The following SYNE2 variants were observed in gnomAD, a reference collection of about 807,000 sequenced individuals.
The protein encoded by SYNE2 is nesprin-2.
In SYNE2, 431 loss-of-function variants were observed where a neutral mutation model predicts 856.3. That is an observed-to-expected ratio of 0.50 (90% CI 0.47 to 0.55). SYNE2 has a LOEUF of 0.55. Ranked by LOEUF, SYNE2 falls within the 20% of genes least tolerant of loss-of-function variation. The probability of loss-of-function intolerance (pLI) is 0.00; values close to 1 mark genes in which losing one functional copy is unlikely to be tolerated. For synonymous variants in SYNE2, 2,923 were observed against 2,872.3 expected (o/e 1.02, Z -0.56); for missense variants, 8,129 against 8,023.2 (o/e 1.01, Z -0.50).
chr14:63,959,540 C>T (rs912695696), intron 8 of SYNE2, among the ~76,000 whole-genome samples: 4 of 151,962 alleles, frequency 2.6e-5, no homozygotes, highest in South Asian at 4.2e-4. Context: ...TCAGGTGATT[C>T]GCCGCCTTGA....
chr14:64,089,254 T>C (rs141487133), intron 58 of SYNE2, among the ~76,000 whole-genome samples: 1,864 of 150,766 alleles, frequency 0.012, 44 homozygotes, highest in African/African-American at 0.043. Context: ...TAATCCCAGC[T>C]ATTCAGGAGG....
chr14:64,152,765 A>G (rs760566173), intron 85 of SYNE2, 49 bp downstream of exon 85: 20 of 1,610,490 alleles, frequency 1.2e-5, no homozygotes, highest in Non-Finnish European at 1.6e-5. Flanking sequence ...ATATTCTTTT[A>G]CCTTATTTGT....
intron 2 of SYNE2, among the ~76,000 whole-genome samples, chr14:63,927,048 G>A (rs993839722): frequency 3.3e-5 from 5 of 152,210 alleles, no homozygotes; most frequent in South Asian, 2.1e-4. Flanking sequence ...AGGGGTGTAG[G>A]AGAGAGTAAG....
At chr14:64,013,114 G>T (rs1233303934) in intron 32 of SYNE2, among the ~76,000 whole-genome samples, 2 of 152,114 alleles carry the variant, frequency 1.3e-5, no homozygotes, top group African/African-American at 4.8e-5. Flanking sequence ...CCTTCCATTC[G>T]CTGTAAAACA....
chr14:63,937,594 G>A (rs1029637565), intron 2 of SYNE2, among the ~76,000 whole-genome samples: 1 of 152,118 alleles, frequency 6.6e-6, no homozygotes, highest in African/African-American at 2.4e-5. Context: ...GGTATTGGAT[G>A]TTTGTGGAAG....
rs199977941 is a variant in SYNE2 at position 64,078,490 on chromosome 14, T to A, written c.11047T>A (p.Ser3683Thr). The A allele has an allele frequency of 2.7e-4, 434 of 1,613,936 alleles. No individual in the cohort carries two copies. The highest frequency in any genetic ancestry group is 3.4e-4 in the Non-Finnish European group (399 of 1,180,000). ...EKISNEVLKSSPSYAMRRKIE... is the reference protein window; with the variant it reads ...EKISNEVLKSTPSYAMRRKIE... The stretch of plus-strand genomic sequence containing the variant: ...GATTAGCAATGAAGTCTTAAAAAGC[T>A]CACCATCATATGCAATGAGGAGAAA... Residue 3683 changes from serine (S) to threonine (T), a missense_variant, in exon 55 of 116, where the codon TCA (serine) becomes ACA (threonine). Physicochemically the swap from Ser to Thr is moderately conservative, Grantham distance 58. This residue lies in a region of SYNE2 where 5,410 missense variants were observed against 5,284.8 expected (regional missense o/e 1.02). Coordinates refer to ENST00000555002, the MANE Select transcript of SYNE2 (RefSeq NM_182914.3).
chr14:64,222,255 T>TA (rs1490778560), intron 112 of SYNE2, among the ~76,000 whole-genome samples: 2 of 152,230 alleles, frequency 1.3e-5, no homozygotes, highest in Non-Finnish European at 2.9e-5. Flanking sequence ...TGTTTAAAAA[T>TA]ACAGCTTCCT....
chr14:63,920,506 A>G (rs569157643), intron 2 of SYNE2, among the ~76,000 whole-genome samples: 2 of 151,094 alleles, frequency 1.3e-5, no homozygotes, highest in Non-Finnish European at 2.9e-5. Context: ...GAGGGGTCAT[A>G]TAAACATATA....
chr14:64,008,662 C>A (rs2096819672), intron 31 of SYNE2, among the ~76,000 whole-genome samples: 1 of 152,146 alleles, frequency 6.6e-6, no homozygotes, highest in African/African-American at 2.4e-5. Context: ...TTACTATCTA[C>A]ATGAGGGTGG....
intron 6 of SYNE2, among the ~76,000 whole-genome samples, chr14:63,947,133 A>G (rs1307130455): frequency 8.5e-5 from 13 of 152,174 alleles, no homozygotes. Flanking sequence ...TGCAGGTGTG[A>G]GCCACCATGC....
chr14:64,209,363 A>G lies in SYNE2; in HGVS notation c.18390-65A>G, dbSNP rs529906770. The G allele has an allele frequency of 7.4e-6, 12 of 1,613,496 alleles. No individual in the cohort carries two copies. In the Admixed American group the frequency reaches 1.2e-4, roughly 16 times the overall value. On this transcript the variant is annotated intron_variant, in intron 101 of 115. Transcript: ENST00000555002. ...CTAAACCGTGCGGGTGTCAGGGGAT[A>G]AAAGAAGTGCAAAAGCACAGGCTTG...
At position 63,998,341 on chromosome 14, in the gene SYNE2, T is replaced by C. The variant is rs1567009583; in HGVS notation, c.3353+13T>C. 2 of 1,541,140 alleles carry C rather than the reference T, an allele frequency of 1.3e-6. No individual in the cohort carries two copies. Among genetic ancestry groups the C allele is most frequent in the South Asian group, 2.2e-5 (2 of 89,508 alleles). The stretch of plus-strand genomic sequence containing the variant: ...GTTTACTAGAGAGGTAAACTCTTTT[T>C]AAAAACAACTGGAAAATCCACCAGA... On this transcript the variant is annotated intron_variant, in intron 26 of 115. Coordinates refer to ENST00000555002, the MANE Select transcript of SYNE2 (RefSeq NM_182914.3).
intron 96 of SYNE2, among the ~76,000 whole-genome samples, chr14:64,183,917 G>GA (rs1460154348): frequency 6.8e-6 from 1 of 147,694 alleles, no homozygotes; most frequent in Non-Finnish European, 1.5e-5. Flanking sequence ...AAAGAAGGGA[G>GA]AGGGGGCTCG....
chr14:64,199,846 A>G (rs958802557), intron 99 of SYNE2, among the ~76,000 whole-genome samples: 1 of 152,196 alleles, frequency 6.6e-6, no homozygotes, highest in Non-Finnish European at 1.5e-5. Context: ...AAGCATACAC[A>G]TTGTAGAAAT....
chr14:63,966,292 A>G (rs374583827), intron 10 of SYNE2, among the ~76,000 whole-genome samples: 33 of 151,958 alleles, frequency 2.2e-4, no homozygotes, highest in African/African-American at 8.0e-4. Flanking sequence ...AGGCACGTGG[A>G]TCATTTGAAC....
At chr14:63,863,636 C>T (rs1309799907) in intron 1 of SYNE2, among the ~76,000 whole-genome samples, 2 of 151,936 alleles carry the variant, frequency 1.3e-5, no homozygotes, top group East Asian at 3.8e-4. Flanking sequence ...TAAGCTGTTA[C>T]TATAGTATAA....
chr14:64,132,923 C>A (rs939555735), intron 77 of SYNE2, among the ~76,000 whole-genome samples: 2 of 152,102 alleles, frequency 1.3e-5, no homozygotes, highest in African/African-American at 4.8e-5. Flanking sequence ...AGGAAGGAGG[C>A]CGGGCGCAGT....
At chr14:64,184,329 G>GATGTGTGTGT in intron 96 of SYNE2, among the ~76,000 whole-genome samples, 1 of 144,164 alleles carries the variant, frequency 6.9e-6, no homozygotes, top group Non-Finnish European at 1.5e-5. Context: ...TATGCATAGG[G>GATGTGTGTGT]GTGTGTGTGT....
intron 1 of SYNE2, among the ~76,000 whole-genome samples, chr14:63,818,084 G>A (rs1172885776): frequency 1.4e-5 from 2 of 148,072 alleles, no homozygotes; most frequent in African/African-American, 2.5e-5. Flanking sequence ...AGTGGCTCAC[G>A]CCTGTGATCC....
Sources: gnomAD v4.1 joint callset for allele counts (sites outside exome capture counted in the v4.1 genomes callset) on GRCh38, gnomAD v4.1.1 for gene constraint, gnomAD v4.1.1 regional missense constraint, MANE v1.5 for transcripts, NCBI Gene and HGNC (gene_info 2026-07-23, HGNC 2026-07-21) for gene names.